The following GALNT13 variants were observed in gnomAD, a reference collection of about 807,000 sequenced individuals.
The protein encoded by GALNT13 is UDP-GalNAc:polypeptide N-acetylgalactosaminyltransferase 13.
A neutral mutation model predicts 64.2 loss-of-function variants in GALNT13; 28 were observed. The observed-to-expected ratio is 0.44, with a 90% CI of 0.32 to 0.60. The LOEUF (loss-of-function observed/expected upper bound fraction) is 0.60. Ranked by LOEUF, GALNT13 falls within the 20% of genes least tolerant of loss-of-function variation. GALNT13 has a pLI of 0.05. For synonymous variants in GALNT13, 214 were observed against 224.6 expected (o/e 0.95, Z 0.42); for missense variants, 577 against 669.8 (o/e 0.86, Z 1.53).
intron 3 of GALNT13, among the ~76,000 whole-genome samples, chr2:153,951,019 A>G (rs1692140739): frequency 6.6e-6 from 1 of 152,166 alleles, no homozygotes; most frequent in East Asian, 1.9e-4. Context: ...AAAATGTAGT[A>G]TTTAAAAATA....
the GALNT13 span, among the ~76,000 whole-genome samples, chr2:153,772,192 A>G: frequency 2.6e-5 from 4 of 152,196 alleles, no homozygotes; most frequent in Non-Finnish European, 5.9e-5. Flanking sequence ...CCCTTGACCA[A>G]AATGCCTGCA....
At chr2:153,781,582 A>G in the GALNT13 span, among the ~76,000 whole-genome samples, 13 of 152,186 alleles carry the variant, frequency 8.5e-5, no homozygotes, top group African/African-American at 2.9e-4. Context: ...ACTCTCTGCC[A>G]TTAGAAAAGT....
chr2:153,809,981 G>C, the GALNT13 span, among the ~76,000 whole-genome samples: 1 of 151,650 alleles, frequency 6.6e-6, no homozygotes, highest in Non-Finnish European at 1.5e-5. Flanking sequence ...GTTTTGTTTT[G>C]AGACAGAGTT....
intron 4 of GALNT13, among the ~76,000 whole-genome samples, chr2:154,152,737 T>C (rs1449859113): frequency 6.6e-6 from 1 of 152,226 alleles, no homozygotes; most frequent in Non-Finnish European, 1.5e-5. Context: ...TCCTGACACT[T>C]CTGCATTCTT....
Position 154,451,746 on chromosome 2 carries a change from T to C in GALNT13, c.*1195T>C, listed in dbSNP as rs147872879. The C allele has an allele frequency of 1.3e-4, 20 of 152,128 alleles. No individual in the cohort carries two copies. Among genetic ancestry groups the C allele is most frequent in the African/African-American group, 4.3e-4 (18 of 41,542 alleles). The allele number at this position is 152,128 out of a possible 1,614,324, so 9.4% of individuals were successfully genotyped here. Reference sequence around the variant, plus strand: ...GTTCAAAATACATTAGCAGAGGCCATGAAAGTGAAAAAAAATCAGATTTTT... The same window carrying C: ...GTTCAAAATACATTAGCAGAGGCCACGAAAGTGAAAAAAAATCAGATTTTT... On this transcript the variant is annotated 3_prime_UTR_variant, in exon 13 of 13. Transcript: ENST00000392825.
the GALNT13 span, among the ~76,000 whole-genome samples, chr2:153,750,654 A>C: frequency 6.6e-6 from 1 of 151,836 alleles, no homozygotes; most frequent in Non-Finnish European, 1.5e-5. Flanking sequence ...AATTTCTGGG[A>C]TAGCAGTTGT....
the GALNT13 span, among the ~76,000 whole-genome samples, chr2:153,457,326 A>T: frequency 6.6e-6 from 1 of 152,324 alleles, no homozygotes; most frequent in African/African-American, 2.4e-5. Flanking sequence ...ATGTCTGCCT[A>T]CCTGCCAGAC....
chr2:154,178,297 A>G (rs963662583), intron 4 of GALNT13, among the ~76,000 whole-genome samples: 3 of 151,872 alleles, frequency 2.0e-5, no homozygotes, highest in African/African-American at 7.3e-5. Context: ...ATATTTTTCA[A>G]ATGGAAATTA....
At chr2:153,766,830 A>G in the GALNT13 span, among the ~76,000 whole-genome samples, 3 of 152,060 alleles carry the variant, frequency 2.0e-5, no homozygotes, top group Admixed American at 1.3e-4. Flanking sequence ...CTTTAAGAGG[A>G]TTATTCTTAA....
chr2:153,393,083 GAT>G, the GALNT13 span, among the ~76,000 whole-genome samples: 1 of 152,136 alleles, frequency 6.6e-6, no homozygotes, highest in South Asian at 2.1e-4. Flanking sequence ...CAGTCTAAGG[GAT>G]ATTGTTATAA....
intron 4 of GALNT13, among the ~76,000 whole-genome samples, chr2:154,150,093 A>G (rs1296232444): frequency 6.6e-6 from 1 of 152,208 alleles, no homozygotes; most frequent in Non-Finnish European, 1.5e-5. Context: ...TTATTTTGAG[A>G]TACGTCCCAT....
chr2:153,622,667 A>G, the GALNT13 span, among the ~76,000 whole-genome samples: 1 of 152,176 alleles, frequency 6.6e-6, no homozygotes, highest in African/African-American at 2.4e-5. Context: ...ATCCTTTATT[A>G]CCCAGATAAT....
chr2:153,338,876 G>A, the GALNT13 span, among the ~76,000 whole-genome samples: 8 of 152,078 alleles, frequency 5.3e-5, no homozygotes, highest in Admixed American at 1.3e-4. Flanking sequence ...AAAATGATGC[G>A]ATATCTGTCT....
intron 10 of GALNT13, among the ~76,000 whole-genome samples, chr2:154,401,601 AT>A (rs1321584005): frequency 6.6e-6 from 1 of 152,014 alleles, no homozygotes. Flanking sequence ...AAAATATTGT[AT>A]TTTTTTAACT....
the GALNT13 span, among the ~76,000 whole-genome samples, chr2:153,558,215 G>A: frequency 3.9e-5 from 6 of 152,038 alleles, no homozygotes; most frequent in Non-Finnish European, 7.4e-5. Context: ...CCTAACCCTC[G>A]GTGCAAACAG....
In GALNT13 at chr2:154,159,886, G is replaced by T. The variant is rs529806369; in HGVS notation, c.311+19381G>T. 2.6e-5 allele frequency among the ~76,000 whole-genome samples: 4 copies of T among 152,194 alleles called. No homozygotes were observed. In the South Asian group the frequency reaches 8.3e-4, roughly 32 times the overall value. ...GTCCTTTTTATAGCTTCCATTTATT[G>T]AGCAACTACCGAGTGCCCTAGATGC... is the stretch of plus-strand genomic sequence containing the variant. On this transcript the variant is annotated intron_variant, in intron 4 of 12. Coordinates refer to ENST00000392825, the MANE Select transcript of GALNT13 (RefSeq NM_052917.4).
At chr2:153,092,702 T>C in the GALNT13 span, among the ~76,000 whole-genome samples, 1 of 152,354 alleles carries the variant, frequency 6.6e-6, no homozygotes, top group South Asian at 2.1e-4. Flanking sequence ...GCAGCTTTAC[T>C]GAATTTGTAT....
At chr2:153,629,024 G>T in the GALNT13 span, among the ~76,000 whole-genome samples, 45 of 152,096 alleles carry the variant, frequency 3.0e-4, no homozygotes, top group African/African-American at 9.6e-4. Flanking sequence ...CAATTTCAGA[G>T]CCTGTTATTG....
the GALNT13 span, among the ~76,000 whole-genome samples, chr2:153,266,719 C>T: frequency 3.3e-3 from 509 of 152,202 alleles, 1 homozygote; most frequent in Non-Finnish European, 5.3e-3. Context: ...TCCCTTGACA[C>T]GTGGGGATTA....
Sources: gnomAD v4.1 joint callset for allele counts (sites outside exome capture counted in the v4.1 genomes callset) on GRCh38, gnomAD v4.1.1 for gene constraint, MANE v1.5 for transcripts, NCBI Gene and HGNC (gene_info 2026-07-23, HGNC 2026-07-21) for gene names.